ASXL3: variants seen among roughly 807,000 people sequenced by gnomAD.
ASXL3 encodes the protein ASXL transcriptional regulator 3.
ASXL3 carries 34 observed loss-of-function variants against 170.6 expected under a neutral mutation model. That is an observed-to-expected ratio of 0.20 (90% CI 0.15 to 0.27). The LOEUF is 0.27. ASXL3 is among the 10% of genes least tolerant of loss of function. The pLI is 1.00. For synonymous variants in ASXL3, 1,002 were observed against 989.1 expected (o/e 1.01, Z -0.24); for missense variants, 2,592 against 2,695.3 (o/e 0.96, Z 0.85).
chr18:33,749,423 GCA>G lies in ASXL3; in HGVS notation c.*2831_*2832del, dbSNP rs2067849433. On this transcript the variant is annotated 3_prime_UTR_variant, in exon 12 of 12. Coordinates refer to ENST00000269197, the MANE Select transcript of ASXL3 (RefSeq NM_030632.3). The stretch of plus-strand genomic sequence containing the variant: ...TTTATTCTTATCAGGAATAGAACTT[GCA>G]CATGTACCATACAATTTTTTTTTTT... 1 of 151,696 alleles carries G rather than the reference GCA, an allele frequency of 6.6e-6. No homozygotes were observed. The highest frequency in any genetic ancestry group is 1.5e-5 in the Non-Finnish European group (1 of 67,962). 9.4% of individuals were successfully genotyped at this position (151,696 alleles called of 1,614,324 possible). A position where few individuals can be genotyped will look rare whatever the true frequency, so the allele number is the denominator to read the frequency against.
intron 2 of ASXL3, chr18:33,614,799 A>G (rs1434023606): frequency 6.6e-6 from 1 of 152,038 alleles, no homozygotes; most frequent in Non-Finnish European, 1.5e-5. Flanking sequence ...TTGTCAGTGA[A>G]CAGTAGTATT....
chr18:33,659,025 A>G (rs1488687271), intron 4 of ASXL3, among the ~76,000 whole-genome samples: 3 of 152,114 alleles, frequency 2.0e-5, no homozygotes, highest in Non-Finnish European at 4.4e-5. Flanking sequence ...CAAAATGTAC[A>G]GTGTATATGC....
chr18:33,706,253 T>C (rs916791006), intron 8 of ASXL3, among the ~76,000 whole-genome samples: 1 of 151,880 alleles, frequency 6.6e-6, no homozygotes, highest in African/African-American at 2.4e-5. Flanking sequence ...GATATCAGGC[T>C]ACCAATAATC....
At chr18:33,615,351 T>C (rs1367477648) in intron 2 of ASXL3, among the ~76,000 whole-genome samples, 4 of 152,248 alleles carry the variant, frequency 2.6e-5, no homozygotes, top group South Asian at 2.1e-4. Flanking sequence ...CTAGCCTTCA[T>C]AGAATTTTGA....
Position 33,740,161 on chromosome 18 carries a change from C to T in ASXL3, c.2757C>T (p.Gly919=), listed in dbSNP as rs1322558471. The change falls in exon 11 of 12, where the codon GGC becomes GGT. Residue 919 remains glycine (G), a synonymous_variant. Coordinates refer to ENST00000269197, the MANE Select transcript of ASXL3 (RefSeq NM_030632.3). ...TGGATAAGGCTCCATTTTCAGAAGGCTCTAGAAATAAAACACATAAGCAAG... is the reference window on the plus strand; with the variant it reads ...TGGATAAGGCTCCATTTTCAGAAGGTTCTAGAAATAAAACACATAAGCAAG... ...SSVDKAPFSE[G]SRNKTHKQGS... The T allele has an allele frequency of 1.9e-6, 3 of 1,613,858 alleles. No individual in the cohort carries two copies. Among genetic ancestry groups the T allele is most frequent in the Admixed American group, 3.3e-5 (2 of 60,010 alleles).
intron 1 of ASXL3, among the ~76,000 whole-genome samples, chr18:33,581,919 C>A (rs544582831): frequency 2.0e-5 from 3 of 152,106 alleles, no homozygotes; most frequent in Non-Finnish European, 4.4e-5. Context: ...ACAGTAATAC[C>A]ACATCTTTTT....
intron 8 of ASXL3, among the ~76,000 whole-genome samples, chr18:33,699,482 T>C (rs1327504089): frequency 2.0e-5 from 3 of 152,130 alleles, no homozygotes; most frequent in Non-Finnish European, 4.4e-5. Flanking sequence ...ATAGAGATTA[T>C]TGAGTATTAC....
At chr18:33,682,394 C>CACAA (rs1174064711) in intron 7 of ASXL3, among the ~76,000 whole-genome samples, 1 of 152,096 alleles carries the variant, frequency 6.6e-6, no homozygotes, top group Non-Finnish European at 1.5e-5. Context: ...TTTGATGCAT[C>CACAA]AGTTGACTGT....
intron 1 of ASXL3, among the ~76,000 whole-genome samples, chr18:33,581,774 C>G (rs1263634191): frequency 6.6e-6 from 1 of 152,118 alleles, no homozygotes. Context: ...AGCTATCAAG[C>G]TGTATCATTT....
chr18:33,650,103 G>T lies in ASXL3; in HGVS notation c.355+3750G>T, dbSNP rs79251602. Reference sequence around the variant, plus strand: ...CAAAGATGTTTTAAAGGCTGGTGGTGGCCCTTGCATAAGATATTAGAGAAT... The same window carrying T: ...CAAAGATGTTTTAAAGGCTGGTGGTTGCCCTTGCATAAGATATTAGAGAAT... On this transcript the variant is annotated intron_variant, in intron 4 of 11. Transcript: ENST00000269197. Among the ~76,000 whole-genome samples, 459 of 152,170 alleles carry T rather than the reference G, an allele frequency of 3.0e-3. 3 individuals are homozygous for T. Among genetic ancestry groups the T allele is most frequent in the African/African-American group, 0.011 (444 of 41,530 alleles).
At chr18:33,663,220 TACTA>T (rs2066205103) in intron 5 of ASXL3, among the ~76,000 whole-genome samples, 1 of 152,102 alleles carries the variant, frequency 6.6e-6, no homozygotes, top group Admixed American at 6.6e-5. Context: ...GGTAATAAAA[TACTA>T]ACCAGAATAG....
intron 8 of ASXL3, among the ~76,000 whole-genome samples, chr18:33,719,962 G>C (rs2067231983): frequency 6.6e-6 from 1 of 152,010 alleles, no homozygotes; most frequent in South Asian, 2.1e-4. Context: ...GTTGTTGAAA[G>C]CACTCAGTTA....
chr18:33,742,860 T>G, intron 11 of ASXL3, 28 bp from the exon 12 acceptor site: 2 of 1,564,498 alleles, frequency 1.3e-6, no homozygotes, highest in Non-Finnish European at 1.7e-6. Flanking sequence ...TGAAGCACAT[T>G]ATATTTTTTT....
chr18:33,647,407 A>G (rs1193419430), intron 4 of ASXL3, among the ~76,000 whole-genome samples: 1 of 152,060 alleles, frequency 6.6e-6, no homozygotes, highest in Non-Finnish European at 1.5e-5. Flanking sequence ...AGACTGCTTT[A>G]TGGATGTTTT....
intron 4 of ASXL3, among the ~76,000 whole-genome samples, chr18:33,655,685 C>G (rs2145220684): frequency 6.6e-6 from 1 of 152,130 alleles, no homozygotes; most frequent in Non-Finnish European, 1.5e-5. Flanking sequence ...ATGGTTTTCC[C>G]TGTTCAAGTC....
intron 2 of ASXL3, among the ~76,000 whole-genome samples, chr18:33,640,827 G>A (rs988302740): frequency 7.0e-6 from 1 of 142,966 alleles, no homozygotes; most frequent in Non-Finnish European, 1.5e-5. Context: ...ACTAATTATG[G>A]TGTTTAATAA....
chr18:33,735,553 G>T (rs796936132), intron 10 of ASXL3, among the ~76,000 whole-genome samples: 5 of 152,306 alleles, frequency 3.3e-5, no homozygotes, highest in African/African-American at 1.2e-4. Context: ...AAGCCTGGCT[G>T]CATCAAAATC....
rs759735351 is a variant in ASXL3, at chr18:33,740,104, T to C, written c.2700T>C (p.Ala900=). 6.2e-7 allele frequency: 1 copy of C among 1,613,940 alleles called. No homozygotes were observed. Residue 900 remains alanine, a synonymous_variant, in exon 11 of 12, where the codon GCT becomes GCC. Transcript: ENST00000269197. The stretch of plus-strand genomic sequence containing the variant: ...ATAAGGGAAATGAGCTTCCATCTGC[T>C]AAATTACAGGACAAGCAATATATCT... ...TDNKGNELPS[A]KLQDKQYISS...
chr18:33,701,198 T>G (rs1430007855), intron 8 of ASXL3, among the ~76,000 whole-genome samples: 1 of 151,996 alleles, frequency 6.6e-6, no homozygotes, highest in Non-Finnish European at 1.5e-5. Context: ...TATTTAAAAT[T>G]TTTTCCCTTT....
Sources: allele counts gnomAD v4.1 joint callset (sites outside exome capture counted in the v4.1 genomes callset), GRCh38; gene constraint gnomAD v4.1.1; transcripts MANE v1.5; gene names NCBI Gene and HGNC (gene_info 2026-07-23, HGNC 2026-07-21).